Variants in ACKR3 observed in about 807,000 individuals in gnomAD.
ACKR3 encodes atypical chemokine receptor 3, also known as C-X-C chemokine receptor type 7.
ACKR3 carries 6 observed loss-of-function variants against 22.4 expected under a neutral mutation model. The observed-to-expected ratio is 0.27, with a 90% CI of 0.15 to 0.53. ACKR3 has a LOEUF of 0.53. Ranked by LOEUF, ACKR3 falls within the 20% of genes least tolerant of loss-of-function variation. The probability of loss-of-function intolerance (pLI) is 0.96; values close to 1 mark genes in which losing one functional copy is unlikely to be tolerated. For synonymous variants in ACKR3, 209 were observed against 205.2 expected (o/e 1.02, Z -0.16); for missense variants, 396 against 475.2 (o/e 0.83, Z 1.55).
At chr2:236,570,582 A>G (rs991410890) in intron 1 of ACKR3, among the ~76,000 whole-genome samples, 1 of 152,186 alleles carries the variant, frequency 6.6e-6, no homozygotes, top group Non-Finnish European at 1.5e-5. Context: ...TAATTTGAGT[A>G]TTGTTCTCTT....
chr2:236,578,960 CG>C (rs1368832671), intron 1 of ACKR3, among the ~76,000 whole-genome samples: 1 of 152,236 alleles, frequency 6.6e-6, no homozygotes, highest in East Asian at 1.9e-4. Flanking sequence ...TATTGAGCAT[CG>C]GCTAGGGCCA....
the ACKR3 span, among the ~76,000 whole-genome samples, chr2:236,549,491 C>T: frequency 6.6e-6 from 1 of 152,212 alleles, no homozygotes; most frequent in Non-Finnish European, 1.5e-5. The surrounding 1 kb of genome is among the most constrained non-coding windows in gnomAD (Gnocchi z 5.3). Flanking sequence ...AAAGATTAGT[C>T]TTCATGAGGC....
upstream of ACKR3, among the ~76,000 whole-genome samples, chr2:236,568,661 T>A (rs1352817621): frequency 6.6e-6 from 1 of 152,250 alleles, no homozygotes; most frequent in East Asian, 1.9e-4. Context: ...AGCTTTTAGC[T>A]AAACAAAATA....
the ACKR3 span, among the ~76,000 whole-genome samples, chr2:236,561,009 A>G: frequency 6.6e-6 from 1 of 152,254 alleles, no homozygotes; most frequent in African/African-American, 2.4e-5. Flanking sequence ...ACGTGACAAC[A>G]TGAATGAAAC....
At chr2:236,551,215 C>T in the ACKR3 span, among the ~76,000 whole-genome samples, 1 of 152,186 alleles carries the variant, frequency 6.6e-6, no homozygotes, top group East Asian at 1.9e-4. Flanking sequence ...CCCGGTGCTC[C>T]GGGCTCTGCA....
Position 236,574,987 on chromosome 2 carries a change from G to A in ACKR3, c.-27+5063G>A, listed in dbSNP as rs375748647. Among the ~76,000 whole-genome samples, 5 of 152,244 alleles carry A rather than the reference G, an allele frequency of 3.3e-5. No individual in the cohort carries two copies. Among genetic ancestry groups the A allele is most frequent in the East Asian group, 3.9e-4 (2 of 5,170 alleles). On this transcript the variant is annotated intron_variant, in intron 1 of 1. Coordinates refer to ENST00000272928, the MANE Select transcript of ACKR3 (RefSeq NM_020311.3). The surrounding 1 kb of genome is among the most constrained non-coding windows in gnomAD (Gnocchi z 5.6). Reference sequence around the variant, plus strand: ...AAAGTTCTCTCCCTGTCACTGCAACGTGCGACAGGGCCGCTAAAAAGGTGA... The same window carrying A: ...AAAGTTCTCTCCCTGTCACTGCAACATGCGACAGGGCCGCTAAAAAGGTGA...
chr2:236,558,903 T>A, the ACKR3 span, among the ~76,000 whole-genome samples: 7 of 152,240 alleles, frequency 4.6e-5, no homozygotes, highest in Non-Finnish European at 8.8e-5. Flanking sequence ...CAAATAATTG[T>A]AGTAGATATA....
At chr2:236,556,278 A>T in the ACKR3 span, among the ~76,000 whole-genome samples, 1 of 152,120 alleles carries the variant, frequency 6.6e-6, no homozygotes, top group Non-Finnish European at 1.5e-5. Flanking sequence ...TGCCACGGAG[A>T]TGGGAGGTCA....
chr2:236,569,295 A>G (rs60123959), upstream of ACKR3, among the ~76,000 whole-genome samples: 16,902 of 152,236 alleles, frequency 0.11, 1,558 homozygotes, highest in African/African-American at 0.25. Flanking sequence ...TTGGGGATAT[A>G]CGGTGTGGCA....
chr2:236,553,270 C>G, the ACKR3 span, among the ~76,000 whole-genome samples: 1 of 152,140 alleles, frequency 6.6e-6, no homozygotes, highest in South Asian at 2.1e-4. Flanking sequence ...TCCAGGCAGA[C>G]AGTAGGTGGA....
the ACKR3 span, among the ~76,000 whole-genome samples, chr2:236,558,305 G>C: frequency 6.6e-6 from 1 of 152,236 alleles, no homozygotes; most frequent in Non-Finnish European, 1.5e-5. Context: ...TAATGAAGGG[G>C]CGGGTCATTC....
chr2:236,541,185 G>T, the ACKR3 span, among the ~76,000 whole-genome samples: 2 of 152,168 alleles, frequency 1.3e-5, no homozygotes, highest in African/African-American at 4.8e-5. Flanking sequence ...AGTATAAGTT[G>T]TTGAAAGTTC....
the ACKR3 span, among the ~76,000 whole-genome samples, chr2:236,554,057 G>A: frequency 6.6e-6 from 1 of 152,188 alleles, no homozygotes; most frequent in Admixed American, 6.5e-5. Context: ...TCAGGGCTGT[G>A]TCCTGGGTGG....
the ACKR3 span, among the ~76,000 whole-genome samples, chr2:236,562,473 G>A: frequency 6.6e-6 from 1 of 152,018 alleles, no homozygotes; most frequent in South Asian, 2.1e-4. Context: ...ACATTTTTGA[G>A]TATTTCTTCT....
intron 1 of ACKR3, among the ~76,000 whole-genome samples, chr2:236,579,682 A>AAGG (rs1159936424): frequency 3.3e-5 from 5 of 152,194 alleles, no homozygotes; most frequent in Non-Finnish European, 7.3e-5. Flanking sequence ...TGAACAAATA[A>AAGG]AGGAATGGAA....
chr2:236,543,619 G>T, the ACKR3 span, among the ~76,000 whole-genome samples: 1 of 152,068 alleles, frequency 6.6e-6, no homozygotes, highest in African/African-American at 2.4e-5. Flanking sequence ...CTCCAGAGTG[G>T]GTGCCCAGTC....
Position 236,581,431 on chromosome 2 carries a change from C to G in ACKR3, c.966C>G (p.Tyr322Ter). The change falls in exon 2 of 2, where the codon TAC becomes TAG. Residue 322 changes from tyrosine to a stop codon, truncating the protein, a stop_gained. Coordinates refer to ENST00000272928, the MANE Select transcript of ACKR3 (RefSeq NM_020311.3). LOFTEE classifies it high-confidence loss of function. This position sits in a 1 kb window ranked among gnomAD's most constrained non-coding sequence, Gnocchi z 4.4. Reference protein sequence around the residue: ...PVLYSFINRNYRYELMKAFIF... With the variant: ...PVLYSFINRN ...TCTACAGCTTCATCAATCGCAACTA[C>G]AGGTACGAGCTGATGAAGGCCTTCA... 1 of 1,614,178 alleles carries G rather than the reference C, an allele frequency of 6.2e-7. No individual in the cohort carries two copies. Among genetic ancestry groups the G allele is most frequent in the Non-Finnish European group, 8.5e-7 (1 of 1,180,038 alleles).
At chr2:236,551,872 C>T in the ACKR3 span, among the ~76,000 whole-genome samples, 12 of 152,244 alleles carry the variant, frequency 7.9e-5, no homozygotes, top group East Asian at 1.5e-3. Context: ...TGGGCCCACC[C>T]GACTCTGAGA....
the ACKR3 span, among the ~76,000 whole-genome samples, chr2:236,547,350 C>T: frequency 6.6e-6 from 1 of 152,122 alleles, no homozygotes; most frequent in Non-Finnish European, 1.5e-5. Flanking sequence ...GAGAAATGTT[C>T]TTTAGAGAGG....
Sources: gnomAD v4.1 joint callset for allele counts (sites outside exome capture counted in the v4.1 genomes callset) on GRCh38, gnomAD v4.1.1 for gene constraint, Gnocchi (gnomAD v3.1) non-coding constraint, MANE v1.5 for transcripts, NCBI Gene and HGNC (gene_info 2026-07-23, HGNC 2026-07-21) for gene names.